CACNG2: variants seen among roughly 807,000 people sequenced by gnomAD.
CACNG2 encodes the protein voltage-dependent calcium channel gamma-2 subunit.
In CACNG2, 3 loss-of-function variants were observed where a neutral mutation model predicts 25.9. That is an observed-to-expected ratio of 0.12 (90% CI 0.05 to 0.30). CACNG2 has a LOEUF of 0.30. Among genes scored for constraint, CACNG2 ranks in the 10% least tolerant of loss-of-function variants. CACNG2 has a pLI of 1.00. For synonymous variants in CACNG2, 167 were observed against 173.3 expected, an observed-to-expected ratio of 0.96 and a Z score of 0.29; for missense variants, 341 against 432.5, an observed-to-expected ratio of 0.79 and a Z score of 1.88.
chr22:36,598,967 G>A (rs959241573), intron 1 of CACNG2, among the ~76,000 whole-genome samples: 1 of 152,206 alleles, frequency 6.6e-6, no homozygotes, highest in East Asian at 1.9e-4. Flanking sequence ...GACAGAGTGA[G>A]ACCCTGCCCC....
At chr22:36,575,028 G>T (rs1187150955) in intron 2 of CACNG2, among the ~76,000 whole-genome samples, 2 of 152,190 alleles carry the variant, frequency 1.3e-5, no homozygotes, top group African/African-American at 2.4e-5. Context: ...GAGGCTTGGG[G>T]AGCCCCAATG....
intron 1 of CACNG2, among the ~76,000 whole-genome samples, chr22:36,651,093 T>A (rs1318072603): frequency 6.6e-6 from 1 of 152,168 alleles, no homozygotes; most frequent in African/African-American, 2.4e-5. Flanking sequence ...TGTCTCTACG[T>A]AGCATGTGAG....
Position 36,566,406 on chromosome 22 carries a change from T to C in CACNG2, c.383A>G (p.Tyr128Cys), listed in dbSNP as rs746577711. The part of the protein sequence containing the change: ...GGLCIAASEF[Y>C]KTRHNIILSA... Reference sequence around the variant, plus strand: ...CAGGATGATGTTGTGTCGAGTTTTGTAGAACTCGCTGGCTGCGATGCAGAG... The same window carrying C: ...CAGGATGATGTTGTGTCGAGTTTTGCAGAACTCGCTGGCTGCGATGCAGAG... The change falls in exon 3 of 4, where the codon TAC becomes TGC. Residue 128 changes from tyrosine (Y) to cysteine (C), a missense_variant. Transcript: ENST00000300105. The C allele has an allele frequency of 6.2e-7, 1 of 1,614,062 alleles. No homozygotes were observed. The highest frequency in any genetic ancestry group is 1.7e-5 in the Admixed American group (1 of 60,022).
intron 1 of CACNG2, among the ~76,000 whole-genome samples, chr22:36,612,720 A>G (rs1272028634): frequency 6.6e-6 from 1 of 152,042 alleles, no homozygotes; most frequent in Non-Finnish European, 1.5e-5. Context: ...CTCAATCCTC[A>G]CTTTCCCAAA....
intron 1 of CACNG2, among the ~76,000 whole-genome samples, chr22:36,590,160 G>A (rs1254124590): frequency 6.6e-6 from 1 of 152,166 alleles, no homozygotes; most frequent in Non-Finnish European, 1.5e-5. Flanking sequence ...TCTACGGGGA[G>A]CCTAGTTGCT....
chr22:36,624,854 C>A (rs1161191486), intron 1 of CACNG2, among the ~76,000 whole-genome samples: 1 of 151,736 alleles, frequency 6.6e-6, no homozygotes, highest in Non-Finnish European at 1.5e-5. Context: ...ATGGTGAAAC[C>A]CTGTCTCTAC....
intron 1 of CACNG2, among the ~76,000 whole-genome samples, chr22:36,590,478 G>A (rs1935573158): frequency 6.6e-6 from 1 of 152,104 alleles, no homozygotes; most frequent in Non-Finnish European, 1.5e-5. Context: ...AGTTGTCAGC[G>A]CTGACATCTA....
intron 1 of CACNG2, among the ~76,000 whole-genome samples, chr22:36,690,667 G>A (rs1569053914): frequency 6.6e-6 from 1 of 152,140 alleles, no homozygotes; most frequent in Non-Finnish European, 1.5e-5. Flanking sequence ...CTTGTCCAAG[G>A]GAACATAGCT....
chr22:36,684,295 C>T (rs773222029), intron 1 of CACNG2, among the ~76,000 whole-genome samples: 6 of 152,066 alleles, frequency 3.9e-5, no homozygotes, highest in Non-Finnish European at 5.9e-5. Flanking sequence ...GGATGAGGCT[C>T]GATTTAAACA....
intron 1 of CACNG2, among the ~76,000 whole-genome samples, chr22:36,673,666 C>T (rs886819253): frequency 1.4e-4 from 21 of 152,168 alleles, no homozygotes; most frequent in African/African-American, 4.8e-4. Context: ...ACCACACTCG[C>T]TGCTGCTGAG....
rs570618041 is a variant in CACNG2 at position 36,589,000 on chromosome 22, TTTC to T, written c.212-1455_212-1453del. ...ATTACATATACCTTTTTTTTTTTTTTTTCCCCCTGAAATGGAGTCTCACTCTGT... is the reference window on the plus strand; with the variant it reads ...ATTACATATACCTTTTTTTTTTTTTTCCCCTGAAATGGAGTCTCACTCTGT... On this transcript the variant is annotated intron_variant, in intron 1 of 3. Transcript: ENST00000300105. Among the ~76,000 whole-genome samples, 351 of 128,728 alleles carry T rather than the reference TTTC, an allele frequency of 2.7e-3. 3 individuals carry two copies. The highest frequency in any genetic ancestry group is 0.01 in the African/African-American group (336 of 32,368). 84.5% of individuals were successfully genotyped at this position (128,728 alleles called of 152,430 possible). A position where few individuals can be genotyped will look rare whatever the true frequency, so the allele number is the denominator to read the frequency against.
At chr22:36,682,465 T>G (rs1304771434) in intron 1 of CACNG2, among the ~76,000 whole-genome samples, 1 of 151,854 alleles carries the variant, frequency 6.6e-6, no homozygotes. Context: ...TTTCAAACAT[T>G]TCCTTTTTAT....
At chr22:36,695,761 A>C (rs908960845) in intron 1 of CACNG2, among the ~76,000 whole-genome samples, 6 of 152,114 alleles carry the variant, frequency 3.9e-5, no homozygotes, top group Admixed American at 3.9e-4. Context: ...TGTAATTTAT[A>C]TACATGTGAG....
At chr22:36,601,842 T>C (rs1935758307) in intron 1 of CACNG2, among the ~76,000 whole-genome samples, 1 of 152,178 alleles carries the variant, frequency 6.6e-6, no homozygotes, top group Non-Finnish European at 1.5e-5. Context: ...CCAGAAGACA[T>C]ATTGCTGGGT....
chr22:36,610,664 G>C (rs1326586199), intron 1 of CACNG2, among the ~76,000 whole-genome samples: 1 of 152,218 alleles, frequency 6.6e-6, no homozygotes, highest in Non-Finnish European at 1.5e-5. Context: ...AAGCAGATGA[G>C]AAAGCGGGGC....
At chr22:36,673,106 G>C (rs1425013919) in intron 1 of CACNG2, among the ~76,000 whole-genome samples, 1 of 152,212 alleles carries the variant, frequency 6.6e-6, no homozygotes, top group Non-Finnish European at 1.5e-5. Context: ...CATGCCTGTA[G>C]TCCCAGCTAC....
intron 1 of CACNG2, among the ~76,000 whole-genome samples, chr22:36,656,986 G>A (rs759411894): frequency 5.3e-5 from 8 of 152,314 alleles, no homozygotes; most frequent in South Asian, 2.1e-4. Flanking sequence ...TGAGGGTCAG[G>A]ACTTTTGTTT....
intron 1 of CACNG2, among the ~76,000 whole-genome samples, chr22:36,645,875 T>A (rs1936516112): frequency 6.6e-6 from 1 of 152,212 alleles, no homozygotes; most frequent in Non-Finnish European, 1.5e-5. Context: ...GTATCCAAAC[T>A]TTAAAAGTCA....
intron 2 of CACNG2, among the ~76,000 whole-genome samples, chr22:36,568,691 A>G (rs1393669874): frequency 6.6e-6 from 1 of 151,990 alleles, no homozygotes; most frequent in Non-Finnish European, 1.5e-5. Flanking sequence ...AGGCGTTAAA[A>G]GGGGATTTTA....
Sources: gnomAD v4.1 joint callset for allele counts (sites outside exome capture counted in the v4.1 genomes callset) on GRCh38, gnomAD v4.1.1 for gene constraint, MANE v1.5 for transcripts, NCBI Gene and HGNC (gene_info 2026-07-23, HGNC 2026-07-21) for gene names.